Variants in GRIN2B observed in about 807,000 individuals in gnomAD.
GRIN2B encodes the protein glutamate receptor ionotropic, NMDA 2B.
Under a neutral mutation model 114.5 loss-of-function variants are expected in GRIN2B, and 5 were observed. The observed-to-expected ratio is 0.04, with a 90% CI of 0.02 to 0.09. GRIN2B has a LOEUF of 0.09. Among genes scored for constraint, GRIN2B ranks in the 10% least tolerant of loss-of-function variants. The pLI is 1.00. For synonymous variants in GRIN2B, 787 were observed against 745.1 expected (o/e 1.06, Z -0.92); for missense variants, 1,108 against 1,943.5 (o/e 0.57, Z 8.08).
At chr12:13,937,609 G>A (rs372228314) in intron 2 of GRIN2B, among the ~76,000 whole-genome samples, 15 of 152,124 alleles carry the variant, frequency 9.9e-5, no homozygotes, top group East Asian at 9.7e-4. Flanking sequence ...AACAGCCTTC[G>A]GGCTGAAGGG....
chr12:13,737,294 C>T (rs1314706076), intron 4 of GRIN2B, among the ~76,000 whole-genome samples: 1 of 151,740 alleles, frequency 6.6e-6, no homozygotes, highest in Non-Finnish European at 1.5e-5. Context: ...TCACTGCAAG[C>T]TCCACCTCCC....
rs116594403 is a variant in GRIN2B at position 13,887,071 on chromosome 12, G to A, written c.-18-20845C>T. ...AAACCGAGGCAGTTATCTCTAATGC[G>A]CATGCTCTTAATCACTACCCTATAT... On this transcript the variant is annotated intron_variant, in intron 2 of 13. Coordinates refer to ENST00000609686, the MANE Select transcript of GRIN2B (RefSeq NM_000834.5). 3.3e-3 allele frequency among the ~76,000 whole-genome samples: 498 copies of A among 152,236 alleles called. 3 individuals carry two copies. The highest frequency in any genetic ancestry group is 0.01 in the African/African-American group (429 of 41,552).
At chr12:13,833,440 C>T (rs971755097) in intron 3 of GRIN2B, among the ~76,000 whole-genome samples, 1 of 152,164 alleles carries the variant, frequency 6.6e-6, no homozygotes, top group African/African-American at 2.4e-5. Flanking sequence ...TGCTCTCCAG[C>T]CCTTCCCTGA....
chr12:13,910,460 C>G (rs1482752368), intron 2 of GRIN2B, among the ~76,000 whole-genome samples: 1 of 152,184 alleles, frequency 6.6e-6, no homozygotes, highest in Admixed American at 6.5e-5. Flanking sequence ...CTTGCTTTCT[C>G]TCTGGTTTCA....
intron 2 of GRIN2B, among the ~76,000 whole-genome samples, chr12:13,894,280 A>C (rs994560146): frequency 3.9e-5 from 6 of 152,284 alleles, no homozygotes; most frequent in African/African-American, 1.4e-4. Flanking sequence ...TTATATACCA[A>C]AATGTTCATT....
chr12:13,680,789 T>C (rs1213272137), intron 4 of GRIN2B, among the ~76,000 whole-genome samples: 1 of 152,102 alleles, frequency 6.6e-6, no homozygotes. Context: ...CAGATGTGCA[T>C]TTTAGCATTC....
chr12:13,617,324 G>A (rs1375489016), intron 5 of GRIN2B, among the ~76,000 whole-genome samples: 1 of 152,224 alleles, frequency 6.6e-6, no homozygotes, highest in Non-Finnish European at 1.5e-5. Context: ...GGGCTGGGTG[G>A]AAGCCCTGGG....
chr12:13,689,785 A>G (rs944388093), intron 4 of GRIN2B, among the ~76,000 whole-genome samples: 1 of 152,142 alleles, frequency 6.6e-6, no homozygotes, highest in Non-Finnish European at 1.5e-5. Context: ...CTTTACATGA[A>G]CTCTTGCTGA....
At chr12:13,910,216 T>C (rs1217271230) in intron 2 of GRIN2B, among the ~76,000 whole-genome samples, 1 of 152,208 alleles carries the variant, frequency 6.6e-6, no homozygotes, top group African/African-American at 2.4e-5. Flanking sequence ...ACATTACAGA[T>C]GGATGAATAT....
At chr12:13,579,068 T>C (rs545886085) in intron 10 of GRIN2B, among the ~76,000 whole-genome samples, 50 of 152,062 alleles carry the variant, frequency 3.3e-4, no homozygotes, top group Non-Finnish European at 6.0e-4. Flanking sequence ...GCCTGTGCAC[T>C]GGGGCTAAGA....
chr12:13,599,480 A>T (rs1949124136), intron 10 of GRIN2B, among the ~76,000 whole-genome samples: 1 of 152,132 alleles, frequency 6.6e-6, no homozygotes, highest in Non-Finnish European at 1.5e-5. Flanking sequence ...GCCACATATA[A>T]ATTTCCATGC....
intron 2 of GRIN2B, among the ~76,000 whole-genome samples, chr12:13,953,184 CA>C (rs978483730): frequency 2.0e-4 from 31 of 152,082 alleles, no homozygotes; most frequent in Non-Finnish European, 8.8e-5. Flanking sequence ...AGCATGGCAG[CA>C]GGGATGTCCA....
intron 5 of GRIN2B, among the ~76,000 whole-genome samples, chr12:13,664,789 T>A (rs1488059809): frequency 2.0e-5 from 3 of 152,192 alleles, no homozygotes; most frequent in Non-Finnish European, 2.9e-5. Flanking sequence ...GTTGCTTGTG[T>A]TTCAAATAAA....
At chr12:13,771,488 A>G (rs1410978074) in intron 3 of GRIN2B, among the ~76,000 whole-genome samples, 2 of 152,252 alleles carry the variant, frequency 1.3e-5, no homozygotes, top group Non-Finnish European at 2.9e-5. Context: ...TGCTATAAAA[A>G]AAAAAGAACT....
chr12:13,808,041 C>T (rs777593464), intron 3 of GRIN2B, among the ~76,000 whole-genome samples: 1 of 152,148 alleles, frequency 6.6e-6, no homozygotes, highest in Admixed American at 6.6e-5. Context: ...TGTGGGACAT[C>T]TGCTGCCTTT....
rs1450921373 is a variant in GRIN2B, at chr12:13,564,171, G to A, written c.3067C>T (p.Leu1023=). 2 of 1,614,182 alleles carry A rather than the reference G, an allele frequency of 1.2e-6. No individual in the cohort carries two copies. The highest frequency in any genetic ancestry group is 2.2e-5 in the South Asian group (2 of 91,080). Reference sequence around the variant, plus strand: ...TTGGAGGAGGGGAGGCCGATGTCCAGGGGCTTCTTGCTGATGGACCTGGAC... The same window carrying A: ...TTGGAGGAGGGGAGGCCGATGTCCAAGGGCTTCTTGCTGATGGACCTGGAC... ...TQSRSISKKP[L]DIGLPSSKHS... The change falls in exon 14 of 14, where the codon CTG becomes TTG. Residue 1023 remains leucine, a synonymous_variant. Coordinates refer to ENST00000609686, the MANE Select transcript of GRIN2B (RefSeq NM_000834.5). The surrounding 1 kb of genome is among the most constrained non-coding windows in gnomAD (Gnocchi z 4.8).
At chr12:13,620,987 C>T (rs1308259195) in intron 5 of GRIN2B, among the ~76,000 whole-genome samples, 1 of 151,128 alleles carries the variant, frequency 6.6e-6, no homozygotes, top group African/African-American at 2.4e-5. Context: ...TTCCCAATTC[C>T]AACAAACAGG....
chr12:13,716,434 G>A (rs1381317438), intron 4 of GRIN2B, among the ~76,000 whole-genome samples: 1 of 151,888 alleles, frequency 6.6e-6, no homozygotes, highest in Non-Finnish European at 1.5e-5. Context: ...CTCTAAGGGT[G>A]TGGAGCTATC....
At chr12:13,958,229 G>A (rs138852604) in intron 2 of GRIN2B, among the ~76,000 whole-genome samples, 9 of 152,250 alleles carry the variant, frequency 5.9e-5, no homozygotes, top group African/African-American at 1.9e-4. Context: ...AACACAATCT[G>A]TAAAAATAAT....
Sources: allele counts gnomAD v4.1 joint callset (sites outside exome capture counted in the v4.1 genomes callset), GRCh38; gene constraint gnomAD v4.1.1; non-coding constraint Gnocchi (gnomAD v3.1); transcripts MANE v1.5; gene names NCBI Gene and HGNC (gene_info 2026-07-23, HGNC 2026-07-21).